FGF1: variants seen among roughly 807,000 people sequenced by gnomAD.
The protein encoded by FGF1 is fibroblast growth factor 1.
A neutral mutation model predicts 13.4 loss-of-function variants in FGF1; 9 were observed. The ratio of observed to expected loss-of-function variants is 0.67; its 90% CI spans 0.40 to 1.17. FGF1 has a LOEUF of 1.17. Among genes scored for constraint, FGF1 ranks in the 50% most tolerant of loss-of-function variants. The pLI is 0.01. For missense variants in FGF1, 156 were observed against 192.7 expected, an observed-to-expected ratio of 0.81 and a Z score of 1.13; for synonymous variants, 93 against 79.0, an observed-to-expected ratio of 1.18 and a Z score of -0.94.
chr5:142,661,654 A>G (rs1465657441), intron 1 of FGF1, among the ~76,000 whole-genome samples: 1 of 152,258 alleles, frequency 6.6e-6, no homozygotes, highest in Non-Finnish European at 1.5e-5. Context: ...CAGTACTGAT[A>G]CATGCTACAA....
chr5:142,666,108 G>C (rs1770251588), intron 1 of FGF1, among the ~76,000 whole-genome samples: 1 of 136 alleles, frequency 7.4e-3, no homozygotes, highest in South Asian at 0.5. Context: ...CTCTAGTATG[G>C]CACTTGCTGA....
At chr5:142,658,902 G>GGTA (rs1768650011) in intron 1 of FGF1, among the ~76,000 whole-genome samples, 3 of 152,128 alleles carry the variant, frequency 2.0e-5, no homozygotes, top group African/African-American at 7.2e-5. Flanking sequence ...AGTCCCCAGT[G>GGTA]CCTGGCATGT....
intron 1 of FGF1, among the ~76,000 whole-genome samples, chr5:142,645,828 C>T (rs1349834206): frequency 6.6e-6 from 1 of 152,212 alleles, no homozygotes; most frequent in Non-Finnish European, 1.5e-5. Flanking sequence ...TTCTCCTGAG[C>T]TCAGGCCACA....
intron 1 of FGF1, among the ~76,000 whole-genome samples, chr5:142,645,932 G>A (rs1433638238): frequency 1.3e-5 from 2 of 151,940 alleles, no homozygotes; most frequent in Non-Finnish European, 2.9e-5. Context: ...TGTTTTAGAC[G>A]GAGTCTTGCT....
intron 1 of FGF1, among the ~76,000 whole-genome samples, chr5:142,678,260 C>T (rs980612157): frequency 2.0e-5 from 3 of 152,178 alleles, no homozygotes; most frequent in African/African-American, 7.2e-5. Flanking sequence ...AATCCAGTCC[C>T]TCTGCTCAAA....
intron 1 of FGF1, among the ~76,000 whole-genome samples, chr5:142,632,074 C>T (rs1763473143): frequency 6.6e-6 from 1 of 152,154 alleles, no homozygotes; most frequent in African/African-American, 2.4e-5. Context: ...AGCCACCACG[C>T]CCGGCCTAAT....
At chr5:142,670,603 A>G (rs946404478) in intron 1 of FGF1, among the ~76,000 whole-genome samples, 1 of 148,274 alleles carries the variant, frequency 6.7e-6, no homozygotes, top group Admixed American at 6.6e-5. Context: ...CTCCCATGGT[A>G]TAGATTCTTA....
intron 1 of FGF1, among the ~76,000 whole-genome samples, chr5:142,619,280 A>G (rs1224395219): frequency 6.6e-6 from 1 of 152,116 alleles, no homozygotes; most frequent in Non-Finnish European, 1.5e-5. Context: ...AATGTGGAAT[A>G]CCCATGAAGG....
chr5:142,644,808 T>G lies in FGF1; in HGVS notation c.-34-30647A>C, dbSNP rs191020017. Among the ~76,000 whole-genome samples the G allele has an allele frequency of 6.9e-4, 105 of 152,324 alleles. 1 individual carries two copies. The highest frequency in any genetic ancestry group is 2.5e-3 in the African/African-American group (102 of 41,580). On this transcript the variant is annotated intron_variant, in intron 1 of 3. Coordinates refer to ENST00000337706, the MANE Select transcript of FGF1 (RefSeq NM_000800.5). ...GTCTCTCCATCATGGGCAGAGTGCA[T>G]GGCACATAGTAGACCCTCAGCAAAT...
intron 2 of FGF1, among the ~76,000 whole-genome samples, chr5:142,606,728 G>A (rs1191584750): frequency 2.6e-5 from 4 of 152,192 alleles, no homozygotes; most frequent in Admixed American, 2.6e-4. Context: ...ACAAGTAGCT[G>A]CTTTGGGAAG....
rs1430289422 is a variant in FGF1 at position 142,606,212 on chromosome 5, C to CTGTGTG, written c.170-5408_170-5407insCACACA. On this transcript the variant is annotated intron_variant, in intron 2 of 3. Coordinates refer to ENST00000337706, the MANE Select transcript of FGF1 (RefSeq NM_000800.5). The stretch of plus-strand genomic sequence containing the variant: ...AAGCACAAAATCTGCAACATTCTTT[C>CTGTGTG]TCTCTCTGTGTGTGTGTGTGTGTGT... Among the ~76,000 whole-genome samples, 263 of 60,080 alleles carry CTGTGTG rather than the reference C, an allele frequency of 4.4e-3. 3 individuals carry two copies. The highest frequency in any genetic ancestry group is 0.023 in the African/African-American group (255 of 11,064). 39.4% of individuals were successfully genotyped at this position (60,080 alleles called of 152,430 possible).
intron 1 of FGF1, among the ~76,000 whole-genome samples, chr5:142,663,830 T>C (rs1597379934): frequency 6.6e-6 from 1 of 152,182 alleles, no homozygotes; most frequent in East Asian, 1.9e-4. Flanking sequence ...AATAAGGCTT[T>C]CGAAGAGGCA....
intron 1 of FGF1, among the ~76,000 whole-genome samples, chr5:142,660,747 T>C (rs1769070402): frequency 6.6e-6 from 1 of 152,180 alleles, no homozygotes; most frequent in African/African-American, 2.4e-5. Context: ...CCATACCCCA[T>C]AGCCCAGTGA....
chr5:142,610,225 G>A (rs1002540373), intron 2 of FGF1, among the ~76,000 whole-genome samples: 2 of 152,264 alleles, frequency 1.3e-5, no homozygotes, highest in Non-Finnish European at 2.9e-5. Flanking sequence ...ATATATTGTT[G>A]ACTTTGAATT....
chr5:142,691,421 C>CAAATAAAATA (rs151025512), intron 2 of FGF1, among the ~76,000 whole-genome samples: 1,588 of 128,490 alleles, frequency 0.012, 26 homozygotes, highest in African/African-American at 0.043. Context: ...GACTCTGTCT[C>CAAATAAAATA]AAATAAAATA....
intron 1 of FGF1, among the ~76,000 whole-genome samples, chr5:142,619,230 A>G (rs975116210): frequency 5.9e-5 from 9 of 152,170 alleles, no homozygotes; most frequent in East Asian, 5.8e-4. Flanking sequence ...CACCACGCCC[A>G]GCCTTTAGTT....
upstream of FGF1, among the ~76,000 whole-genome samples, chr5:142,690,314 G>C (rs1276677466): frequency 1.3e-5 from 2 of 152,058 alleles, no homozygotes; most frequent in East Asian, 3.9e-4. Context: ...GCTCCAGCCT[G>C]GGTGACAGAG....
Position 142,595,578 on chromosome 5 carries a change from C to T in FGF1, c.274-94G>A, listed in dbSNP as rs1340682135. ...TAGCTGTGTGACATTGGGCAAAATA[C>T]TAAAGCTCTCCATGCCTCAGTCTCC... On this transcript the variant is annotated intron_variant, in intron 3 of 3. Coordinates refer to ENST00000337706, the MANE Select transcript of FGF1 (RefSeq NM_000800.5). 3.0e-6 allele frequency: 3 copies of T among 1,003,022 alleles called. No individual in the cohort carries two copies. The African/African-American group carries it at 4.9e-5, about 16-fold the overall frequency. 62.1% of individuals were successfully genotyped at this position (1,003,022 alleles called of 1,614,324 possible).
chr5:142,689,592 A>T (rs567024571), upstream of FGF1, among the ~76,000 whole-genome samples: 1 of 151,838 alleles, frequency 6.6e-6, no homozygotes, highest in South Asian at 2.1e-4. Flanking sequence ...CAGCAACTTC[A>T]GGGGAGGATG....
Sources: gnomAD v4.1 joint callset for allele counts (sites outside exome capture counted in the v4.1 genomes callset) on GRCh38, gnomAD v4.1.1 for gene constraint, MANE v1.5 for transcripts, NCBI Gene and HGNC (gene_info 2026-07-23, HGNC 2026-07-21) for gene names.